Variants in FAM131B observed in about 807,000 individuals in gnomAD.
FAM131B encodes protein FAM131B.
In FAM131B, 19 loss-of-function variants were observed where a neutral mutation model predicts 42.0. That is an observed-to-expected ratio of 0.45 (90% CI 0.32 to 0.66). The LOEUF (loss-of-function observed/expected upper bound fraction) is 0.66. Among genes scored for constraint, FAM131B ranks in the 30% least tolerant of loss-of-function variants. FAM131B has a pLI of 0.05. For synonymous variants in FAM131B, 183 were observed against 177.6 expected (o/e 1.03, Z -0.24); for missense variants, 370 against 468.4 (o/e 0.79, Z 1.94).
the FAM131B span, among the ~76,000 whole-genome samples, chr7:143,372,982 TAATA>T: frequency 1.9e-4 from 29 of 151,774 alleles, no homozygotes; most frequent in Middle Eastern, 3.4e-3. Context: ...AAAATAATAA[TAATA>T]AATAAATAAA....
At chr7:143,367,074 C>G (rs1255758816), upstream of FAM131B, among the ~76,000 whole-genome samples, 1 of 152,088 alleles carries the variant, frequency 6.6e-6, no homozygotes, top group Non-Finnish European at 1.5e-5. Flanking sequence ...TCCTAGTGGT[C>G]GATATAGTTC....
At chr7:143,380,122 G>A in the FAM131B span, 1 of 985,086 alleles carries the variant, frequency 1.0e-6, no homozygotes, top group Non-Finnish European at 1.2e-6. The surrounding 1 kb of genome is among the most constrained non-coding windows in gnomAD (Gnocchi z 5.0). Flanking sequence ...GACAAGAGGA[G>A]AGAAAATGAA....
At chr7:143,362,731 C>G (rs917562154), upstream of FAM131B, 7 of 338,776 alleles carry the variant, frequency 2.1e-5, no homozygotes, top group African/African-American at 4.4e-5. The surrounding 1 kb of genome is among the most constrained non-coding windows in gnomAD (Gnocchi z 7.7). Flanking sequence ...TCCGCTCCCC[C>G]CTCCCCTCTC....
At chr7:143,357,198 AG>A in intron 6 of FAM131B, 81 bp downstream of exon 6, 1 of 1,449,098 alleles carries the variant, frequency 6.9e-7, no homozygotes, top group Non-Finnish European at 9.6e-7. Flanking sequence ...AAGTCTTAAA[AG>A]AACGGAGCTG....
the FAM131B span, among the ~76,000 whole-genome samples, chr7:143,375,468 T>C: frequency 2.0e-5 from 3 of 152,178 alleles, no homozygotes; most frequent in Admixed American, 1.3e-4. Context: ...ACAGTGTCCA[T>C]TGGCTACATG....
At position 143,360,136 on chromosome 7, in the gene FAM131B, A is replaced by G. The variant is rs199934211; in HGVS notation, c.42T>C (p.Ile14=). The change falls in exon 2 of 7, where the codon ATT becomes ATC. Residue 14 remains isoleucine (I), a synonymous_variant. Transcript: ENST00000443739. ...IGSRTVGNEV[I]AVDWKGLKDV... ...CCTTCAGGCCCTTCCAATCCACTGC[A>G]ATCACCTCATTCCCTGAGGGGGCCA... 1 of 1,612,972 alleles carries G rather than the reference A, an allele frequency of 6.2e-7. No homozygotes were observed. Among genetic ancestry groups the G allele is most frequent in the African/African-American group, 1.3e-5 (1 of 74,978 alleles).
chr7:143,373,435 GTA>G, the FAM131B span, among the ~76,000 whole-genome samples: 2 of 152,324 alleles, frequency 1.3e-5, no homozygotes, highest in African/African-American at 4.8e-5. Context: ...CAGTAGTTGT[GTA>G]GTTTAATCAC....
In FAM131B at chr7:143,356,790, C is replaced by T. The variant is rs372597823; in HGVS notation, c.843G>A (p.Leu281=). 2 of 1,614,136 alleles carry T rather than the reference C, an allele frequency of 1.2e-6. No homozygotes were observed. The highest frequency in any genetic ancestry group is 1.7e-5 in the Admixed American group (1 of 60,018). Reference sequence around the variant, plus strand: ...CCGGAGCCCAGTCAGTGTCTCCCCCCAGCAAAGGTGGAGGCTCCAGAGCAG... The same window carrying T: ...CCGGAGCCCAGTCAGTGTCTCCCCCTAGCAAAGGTGGAGGCTCCAGAGCAG... ...GYSALEPPPL[L]GGDTDWAPGV... The change falls in exon 7 of 7, where the codon CTG becomes CTA. Residue 281 remains leucine (L), a synonymous_variant. Transcript: ENST00000443739. This position sits in a 1 kb window ranked among gnomAD's most constrained non-coding sequence, Gnocchi z 4.4.
upstream of FAM131B, among the ~76,000 whole-genome samples, chr7:143,365,255 A>G (rs1804153961): frequency 6.6e-6 from 1 of 152,236 alleles, no homozygotes; most frequent in Admixed American, 6.5e-5. Flanking sequence ...TTCTTCCAGC[A>G]GCAGGGAAGA....
chr7:143,367,350 A>C (rs2116503663), upstream of FAM131B, among the ~76,000 whole-genome samples: 1 of 152,306 alleles, frequency 6.6e-6, no homozygotes, highest in African/African-American at 2.4e-5. Context: ...CTTTTAGACA[A>C]GGTTTGAAAT....
the FAM131B span, among the ~76,000 whole-genome samples, chr7:143,371,485 A>G: frequency 6.6e-6 from 1 of 151,862 alleles, no homozygotes; most frequent in African/African-American, 2.4e-5. Flanking sequence ...CTGGTGGCAC[A>G]TGCCTGTGGT....
At chr7:143,381,993 G>A in the FAM131B span, 9 of 614,080 alleles carry the variant, frequency 1.5e-5, no homozygotes, top group Admixed American at 2.6e-4. Flanking sequence ...AGTGGGAGTC[G>A]GGAATGTGGG....
chr7:143,367,700 AT>A (rs1804211197), upstream of FAM131B, among the ~76,000 whole-genome samples: 1 of 127,830 alleles, frequency 7.8e-6, no homozygotes, highest in Admixed American at 7.6e-5. Context: ...GCAAGACTCC[AT>A]CTCAAAAAGA....
Position 143,360,320 on chromosome 7 carries a change from T to G in FAM131B, c.29-171A>C, listed in dbSNP as rs887142486. 5 of 1,440,344 alleles carry G rather than the reference T, an allele frequency of 3.5e-6. No individual in the cohort carries two copies. The African/African-American group carries it at 4.3e-5, about 12-fold the overall frequency. The allele number at this position is 1,440,344 out of a possible 1,614,324, so 89.2% of individuals were successfully genotyped here. On this transcript the variant is annotated intron_variant, in intron 1 of 6. Coordinates refer to ENST00000443739, the MANE Select transcript of FAM131B (RefSeq NM_001031690.3). ...AAGTAGTAATGCTGAGCCCAAATATTCAGTTTTAGCTCAACCCAGAATAGT... is the reference window on the plus strand; with the variant it reads ...AAGTAGTAATGCTGAGCCCAAATATGCAGTTTTAGCTCAACCCAGAATAGT...
At chr7:143,361,174 G>T in intron 1 of FAM131B, 1 of 152,644 alleles carries the variant, frequency 6.6e-6, no homozygotes, top group Non-Finnish European at 1.5e-5. Flanking sequence ...CAGCAGGGCT[G>T]GGGGAAAGGA....
chr7:143,355,595 CA>C lies in FAM131B; in HGVS notation c.*954del, dbSNP rs1360882630. On this transcript the variant is annotated 3_prime_UTR_variant, in exon 7 of 7. Coordinates refer to ENST00000443739, the MANE Select transcript of FAM131B (RefSeq NM_001031690.3). The surrounding 1 kb of genome is among the most constrained non-coding windows in gnomAD (Gnocchi z 4.1). Reference sequence around the variant, plus strand: ...GAAAAGTGTAAACAGCTTCAGAGGACAGGGGTGAATAAGGGGAGACAGCCCT... The same window carrying C: ...GAAAAGTGTAAACAGCTTCAGAGGACGGGGTGAATAAGGGGAGACAGCCCT... 3 of 152,738 alleles carry C rather than the reference CA, an allele frequency of 2.0e-5. No homozygotes were observed. Among genetic ancestry groups the C allele is most frequent in the Non-Finnish European group, 2.9e-5 (2 of 68,114 alleles). The allele number at this position is 152,738 out of a possible 1,614,324, so 9.5% of individuals were successfully genotyped here. A position where few individuals can be genotyped will look rare whatever the true frequency, so the allele number is the denominator to read the frequency against.
Position 143,356,903 on chromosome 7 carries a change from C to A in FAM131B, c.730G>T (p.Ala244Ser), listed in dbSNP as rs1428198947. 1 of 1,614,084 alleles carries A rather than the reference C, an allele frequency of 6.2e-7. No homozygotes were observed. The highest frequency in any genetic ancestry group is 1.1e-5 in the South Asian group (1 of 91,086). ...GCAGGCCCAAGATAGGATCCTGTGGCCGGAGAGGCAATGAGGGACTGATCG... is the reference window on the plus strand; with the variant it reads ...GCAGGCCCAAGATAGGATCCTGTGGACGGAGAGGCAATGAGGGACTGATCG... ...ASDQSLIASP[A>S]TGSYLGPAFD... The change falls in exon 7 of 7, where the codon GCC (alanine) becomes TCC (serine). Residue 244 changes from alanine (A) to serine (S), a missense_variant. Coordinates refer to ENST00000443739, the MANE Select transcript of FAM131B (RefSeq NM_001031690.3). This position sits in a 1 kb window ranked among gnomAD's most constrained non-coding sequence, Gnocchi z 4.4.
At chr7:143,374,266 C>T in the FAM131B span, among the ~76,000 whole-genome samples, 1 of 152,176 alleles carries the variant, frequency 6.6e-6, no homozygotes, top group African/African-American at 2.4e-5. Context: ...CAGACCTGTA[C>T]TTTTCAGTGG....
At chr7:143,381,318 C>G in the FAM131B span, 1 of 1,122,646 alleles carries the variant, frequency 8.9e-7, no homozygotes. Context: ...CCTCCCCGCC[C>G]GGCTGGAGGC....
Sources: gnomAD v4.1 joint callset for allele counts (sites outside exome capture counted in the v4.1 genomes callset) on GRCh38, gnomAD v4.1.1 for gene constraint, Gnocchi (gnomAD v3.1) non-coding constraint, MANE v1.5 for transcripts, NCBI Gene and HGNC (gene_info 2026-07-23, HGNC 2026-07-21) for gene names.